Variants in FAM53B observed in about 807,000 individuals in gnomAD.
FAM53B encodes the protein protein FAM53B.
In FAM53B, 12 loss-of-function variants were observed where a neutral mutation model predicts 32.7. The ratio of observed to expected loss-of-function variants is 0.37; its 90% CI spans 0.24 to 0.59. FAM53B has a LOEUF of 0.59. Ranked by LOEUF, FAM53B falls within the 20% of genes least tolerant of loss-of-function variation. FAM53B has a pLI of 0.72. For synonymous variants in FAM53B, 234 were observed against 228.7 expected, an observed-to-expected ratio of 1.02 and a Z score of -0.21; for missense variants, 477 against 577.7, an observed-to-expected ratio of 0.83 and a Z score of 1.79.
intron 1 of FAM53B, among the ~76,000 whole-genome samples, chr10:124,718,767 G>A (rs771453027): frequency 7.9e-5 from 12 of 152,250 alleles, no homozygotes; most frequent in Non-Finnish European, 1.0e-4. Flanking sequence ...GGGCTTCACC[G>A]CCAGGCGCAG....
At chr10:124,677,624 G>A (rs1029915210) in intron 4 of FAM53B, among the ~76,000 whole-genome samples, 3 of 152,220 alleles carry the variant, frequency 2.0e-5, no homozygotes, top group African/African-American at 7.2e-5. Flanking sequence ...GGATCCAGAT[G>A]GCCGGCTCAC....
At chr10:124,721,758 C>A (rs1267491656) in intron 1 of FAM53B, among the ~76,000 whole-genome samples, 2 of 152,212 alleles carry the variant, frequency 1.3e-5, no homozygotes, top group Non-Finnish European at 2.9e-5. Flanking sequence ...ATCCTCCTTA[C>A]TCACTCTCCC....
chr10:124,625,176 C>T (rs892358462), intron 4 of FAM53B, among the ~76,000 whole-genome samples: 1 of 152,134 alleles, frequency 6.6e-6, no homozygotes, highest in Admixed American at 6.5e-5. Context: ...CCAGCCTCAG[C>T]GGATGGGAAA....
intron 1 of FAM53B, among the ~76,000 whole-genome samples, chr10:124,728,981 G>A (rs900083206): frequency 3.9e-5 from 6 of 152,222 alleles, no homozygotes; most frequent in Non-Finnish European, 8.8e-5. Flanking sequence ...CACTCTCTCA[G>A]GGACATGGCT....
intron 2 of FAM53B, among the ~76,000 whole-genome samples, chr10:124,702,911 G>T (rs1949925268): frequency 6.6e-6 from 1 of 152,150 alleles, no homozygotes; most frequent in Non-Finnish European, 1.5e-5. Flanking sequence ...GTGAGGGCTG[G>T]TAGTTTAACA....
chr10:124,660,270 T>C (rs1949621567), intron 4 of FAM53B, among the ~76,000 whole-genome samples: 1 of 152,062 alleles, frequency 6.6e-6, no homozygotes, highest in Non-Finnish European at 1.5e-5. Flanking sequence ...GAGCAAACGA[T>C]CCATCCTCGC....
At chr10:124,730,855 T>C (rs1950138040) in intron 1 of FAM53B, among the ~76,000 whole-genome samples, 1 of 152,232 alleles carries the variant, frequency 6.6e-6, no homozygotes, top group Admixed American at 6.5e-5. Context: ...CAGCACATTT[T>C]TTTTTCTGTA....
At chr10:124,696,127 G>C (rs1949868438) in intron 3 of FAM53B, 31 bp downstream of exon 3, 2 of 1,591,662 alleles carry the variant, frequency 1.3e-6, no homozygotes, top group Non-Finnish European at 1.7e-6. Context: ...GGACTAGGAG[G>C]ACAGCTTCCA....
chr10:124,732,691 TCTA>T (rs1475699266), intron 1 of FAM53B, among the ~76,000 whole-genome samples: 2 of 152,084 alleles, frequency 1.3e-5, no homozygotes, highest in African/African-American at 4.8e-5. Flanking sequence ...AAACCCCGTC[TCTA>T]CTAAAAATAC....
intron 1 of FAM53B, among the ~76,000 whole-genome samples, chr10:124,734,325 T>C (rs534823758): frequency 6.6e-6 from 1 of 152,334 alleles, no homozygotes; most frequent in Admixed American, 6.5e-5. Context: ...ATAGTAGCTG[T>C]TACTCCACAT....
At chr10:124,696,096 G>T in intron 3 of FAM53B, 62 bp downstream of exon 3, 1 of 1,350,976 alleles carries the variant, frequency 7.4e-7, no homozygotes, top group South Asian at 1.2e-5. Context: ...CTCACCTGGA[G>T]GACTCAGACC....
At position 124,623,497 on chromosome 10, in the gene FAM53B, G is replaced by A. The variant is rs1433473644; in HGVS notation, c.1014C>T (p.Ala338=). The change falls in exon 5 of 5, where the codon GCC becomes GCT. Residue 338 remains alanine, a synonymous_variant. Coordinates refer to ENST00000337318, the MANE Select transcript of FAM53B (RefSeq NM_014661.4). ...CCCCTGGGCCGGAGGCTGAGAGCAGGGCGGTCCAGGCCCTGGTGTTGCTGA... is the reference window on the plus strand; with the variant it reads ...CCCCTGGGCCGGAGGCTGAGAGCAGAGCGGTCCAGGCCCTGGTGTTGCTGA... ...RHVSNTRAWT[A]LLSASGPGGR... is the part of the protein sequence containing the mutation. 1 of 1,589,418 alleles carries A rather than the reference G, an allele frequency of 6.3e-7. No homozygotes were observed. The highest frequency in any genetic ancestry group is 1.3e-5 in the African/African-American group (1 of 74,742).
intron 1 of FAM53B, chr10:124,708,117 T>G (rs1416961695): frequency 6.6e-6 from 1 of 152,204 alleles, no homozygotes; most frequent in Non-Finnish European, 1.5e-5. Context: ...AAAATAATCA[T>G]GATAACAGTA....
rs144500742 is a variant in FAM53B at position 124,635,831 on chromosome 10, C to CA, written c.907-12228dup. Among the ~76,000 whole-genome samples, 1,106 of 150,688 alleles carry CA rather than the reference C, an allele frequency of 7.3e-3. 16 individuals are homozygous for CA. Among genetic ancestry groups the CA allele is most frequent in the African/African-American group, 0.025 (1,044 of 41,056 alleles). On this transcript the variant is annotated intron_variant, in intron 4 of 4. Transcript: ENST00000337318. ...TCTGTGCAGTGGAACACCGTGCAGC[C>CA]AAAAAAAAGGGCATGAGAACACCTC...
intron 3 of FAM53B, among the ~76,000 whole-genome samples, chr10:124,685,688 C>G (rs1348635534): frequency 6.6e-6 from 1 of 152,206 alleles, no homozygotes; most frequent in East Asian, 1.9e-4. Flanking sequence ...CACCACTGGC[C>G]TGGAATCTTC....
chr10:124,721,242 G>C (rs1162711962), intron 1 of FAM53B, among the ~76,000 whole-genome samples: 2 of 152,218 alleles, frequency 1.3e-5, no homozygotes, highest in East Asian at 1.9e-4. Flanking sequence ...ACCTTCATGG[G>C]ATGGGTGCAA....
intron 4 of FAM53B, among the ~76,000 whole-genome samples, chr10:124,631,719 A>G (rs1264444834): frequency 6.6e-6 from 1 of 152,060 alleles, no homozygotes; most frequent in Non-Finnish European, 1.5e-5. Context: ...GACTCCTTCT[A>G]TAGCAAACCT....
chr10:124,647,460 C>A (rs1441850691), intron 4 of FAM53B, among the ~76,000 whole-genome samples: 1 of 152,190 alleles, frequency 6.6e-6, no homozygotes, highest in Admixed American at 6.5e-5. Flanking sequence ...CTGGAAGCTC[C>A]CTGTAGACAG....
chr10:124,649,760 A>T (rs1949544248), intron 4 of FAM53B, among the ~76,000 whole-genome samples: 1 of 152,162 alleles, frequency 6.6e-6, no homozygotes, highest in East Asian at 1.9e-4. Context: ...TGTGCACTTG[A>T]TTCTTTGTAC....
Sources: gnomAD v4.1 joint callset for allele counts (sites outside exome capture counted in the v4.1 genomes callset) on GRCh38, gnomAD v4.1.1 for gene constraint, MANE v1.5 for transcripts, NCBI Gene and HGNC (gene_info 2026-07-23, HGNC 2026-07-21) for gene names.